COL4A1: variants seen among roughly 807,000 people sequenced by gnomAD.
The protein encoded by COL4A1 is collagen type IV alpha 1 chain, also known as collagen alpha-1(IV) chain.
Under a neutral mutation model 216.6 loss-of-function variants are expected in COL4A1, and 40 were observed. The ratio of observed to expected loss-of-function variants is 0.18; its 90% CI spans 0.14 to 0.24. COL4A1 has a LOEUF of 0.24. COL4A1 is among the 10% of genes least tolerant of loss of function. COL4A1 has a pLI of 1.00. For missense variants in COL4A1, 1,628 were observed against 2,196.8 expected (o/e 0.74, Z 5.18); for synonymous variants, 839 against 810.7 (o/e 1.03, Z -0.59).
chr13:110,306,877 A>G (rs1171079744), intron 1 of COL4A1, 67 bp downstream of exon 1: 3 of 1,379,922 alleles, frequency 2.2e-6, no homozygotes, highest in Non-Finnish European at 2.8e-6. Flanking sequence ...AGGCGCGGAC[A>G]AAGGGGCCTC....
intron 2 of COL4A1, among the ~76,000 whole-genome samples, chr13:110,232,250 A>G (rs1881096017): frequency 1.3e-5 from 2 of 152,332 alleles, no homozygotes; most frequent in African/African-American, 4.8e-5. Context: ...GAAAAATCTG[A>G]CAAAGGGGCA....
chr13:110,292,176 G>T (rs1430530958), intron 1 of COL4A1, among the ~76,000 whole-genome samples: 1 of 152,124 alleles, frequency 6.6e-6, no homozygotes, highest in Non-Finnish European at 1.5e-5. Context: ...CAAATTCAGG[G>T]TCTTCTTCCC....
intron 1 of COL4A1, among the ~76,000 whole-genome samples, chr13:110,293,906 G>A (rs1884176536): frequency 6.6e-6 from 1 of 152,214 alleles, no homozygotes. Context: ...AAGCCTCTGA[G>A]TGTTCTCACA....
At chr13:110,239,634 T>G (rs7996908) in intron 2 of COL4A1, among the ~76,000 whole-genome samples, 30,027 of 152,180 alleles carry the variant, frequency 0.2, 3,395 homozygotes, top group African/African-American at 0.3. Flanking sequence ...TTGTATTCCA[T>G]TATTCCAACC....
chr13:110,170,234 G>T (rs1362650052), intron 42 of COL4A1, among the ~76,000 whole-genome samples: 1 of 152,172 alleles, frequency 6.6e-6, no homozygotes, highest in East Asian at 1.9e-4. Context: ...CACTACGGGG[G>T]TCTTCACCAG....
intron 1 of COL4A1, among the ~76,000 whole-genome samples, chr13:110,287,410 T>C (rs1883886652): frequency 6.6e-6 from 1 of 152,216 alleles, no homozygotes; most frequent in South Asian, 2.1e-4. Flanking sequence ...GATCCAGTCC[T>C]ATTAATATCT....
intron 2 of COL4A1, among the ~76,000 whole-genome samples, chr13:110,241,294 A>G (rs1182182531): frequency 6.6e-6 from 1 of 152,192 alleles, no homozygotes; most frequent in African/African-American, 2.4e-5. Context: ...GTGGACATCA[A>G]CCCTGCTGTC....
chr13:110,297,996 T>C (rs1161134765), intron 1 of COL4A1, among the ~76,000 whole-genome samples: 1 of 151,962 alleles, frequency 6.6e-6, no homozygotes, highest in Admixed American at 6.6e-5. Context: ...ATACCCAAAG[T>C]TATTTATGTT....
At chr13:110,259,395 A>G (rs1882711373) in intron 1 of COL4A1, among the ~76,000 whole-genome samples, 1 of 152,228 alleles carries the variant, frequency 6.6e-6, no homozygotes. Flanking sequence ...TTCATTAACA[A>G]TACTACTTAA....
intron 2 of COL4A1, among the ~76,000 whole-genome samples, chr13:110,234,319 A>C (rs887086958): frequency 6.6e-6 from 1 of 152,344 alleles, no homozygotes; most frequent in Middle Eastern, 3.4e-3. Flanking sequence ...ACAGTGGCTC[A>C]CGCCTGTCAT....
chr13:110,299,450 ATT>A (rs1884408477), intron 1 of COL4A1, among the ~76,000 whole-genome samples: 5 of 152,190 alleles, frequency 3.3e-5, no homozygotes, highest in African/African-American at 9.7e-5. Flanking sequence ...ATGCTTCTGA[ATT>A]TGTCTTTAAT....
At chr13:110,153,952 C>A (rs1876633555) in intron 50 of COL4A1, among the ~76,000 whole-genome samples, 1 of 152,048 alleles carries the variant, frequency 6.6e-6, no homozygotes. Flanking sequence ...AGGGCAGACG[C>A]CACACCATCC....
chr13:110,233,457 G>C (rs1881160308), intron 2 of COL4A1, among the ~76,000 whole-genome samples: 1 of 152,112 alleles, frequency 6.6e-6, no homozygotes, highest in Admixed American at 6.5e-5. Context: ...GATACTTTGG[G>C]GGGTGGAATC....
At chr13:110,181,965 T>C (rs9521636) in intron 28 of COL4A1, among the ~76,000 whole-genome samples, 52,501 of 152,090 alleles carry the variant, frequency 0.35, 9,138 homozygotes, top group East Asian at 0.39. Context: ...ATTTGTAAGT[T>C]TGCAGTGGCA....
At chr13:110,305,539 T>C (rs1005034393) in intron 1 of COL4A1, among the ~76,000 whole-genome samples, 4 of 152,266 alleles carry the variant, frequency 2.6e-5, no homozygotes, top group Admixed American at 1.3e-4. Context: ...CCATCTCACC[T>C]TGGAAGCGTT....
intron 20 of COL4A1, 39 bp downstream of exon 20, chr13:110,200,815 G>A: frequency 6.2e-7 from 1 of 1,602,130 alleles, no homozygotes; most frequent in Non-Finnish European, 8.6e-7. Flanking sequence ...CACAGAAGGT[G>A]TGCAAGTATG....
chr13:110,260,992 G>C (rs550610214), intron 1 of COL4A1, among the ~76,000 whole-genome samples: 2 of 119,560 alleles, frequency 1.7e-5, no homozygotes, highest in South Asian at 5.7e-4. Flanking sequence ...AGCTGAGATC[G>C]CGCCACTGCG....
chr13:110,209,208 A>G (rs1489641784), intron 11 of COL4A1, among the ~76,000 whole-genome samples, 184 bp downstream of exon 11: 2 of 152,260 alleles, frequency 1.3e-5, no homozygotes, highest in African/African-American at 4.8e-5. Flanking sequence ...GAAAAGATCA[A>G]TATATTGATA....
At chr13:110,305,362 A>C (rs1295594541) in intron 1 of COL4A1, among the ~76,000 whole-genome samples, 2 of 152,250 alleles carry the variant, frequency 1.3e-5, no homozygotes, top group African/African-American at 4.8e-5. Flanking sequence ...GGATTTGCGT[A>C]ACTGAGTGGT....
Sources: allele counts gnomAD v4.1 joint callset (sites outside exome capture counted in the v4.1 genomes callset), GRCh38; gene constraint gnomAD v4.1.1; transcripts MANE v1.5; gene names NCBI Gene and HGNC (gene_info 2026-07-23, HGNC 2026-07-21).